The following ARHGEF4 variants were observed in gnomAD, a reference collection of about 807,000 sequenced individuals.
ARHGEF4 encodes Rho guanine nucleotide exchange factor 4.
A neutral mutation model predicts 162.0 loss-of-function variants in ARHGEF4; 119 were observed. That is an observed-to-expected ratio of 0.73 (90% CI 0.63 to 0.86). The LOEUF (loss-of-function observed/expected upper bound fraction) is 0.86. Ranked by LOEUF, ARHGEF4 falls within the 40% of genes least tolerant of loss-of-function variation. The pLI is 0.00. For missense variants in ARHGEF4, 2,488 were observed against 2,456.0 expected, an observed-to-expected ratio of 1.01 and a Z score of -0.28; for synonymous variants, 1,014 against 979.9, an observed-to-expected ratio of 1.03 and a Z score of -0.65.
chr2:130,960,952 G>T (rs1684590661), intron 4 of ARHGEF4, among the ~76,000 whole-genome samples: 1 of 152,154 alleles, frequency 6.6e-6, no homozygotes, highest in South Asian at 2.1e-4. Context: ...AAGGGAAATG[G>T]ACTCAGTAAA....
chr2:130,954,879 C>T (rs116372769), intron 4 of ARHGEF4, among the ~76,000 whole-genome samples: 2,309 of 152,156 alleles, frequency 0.015, 31 homozygotes, highest in South Asian at 0.026. Context: ...TTCCCCTTCC[C>T]CTTTTTCTCT....
chr2:130,851,855 T>C (rs1681438404), intron 1 of ARHGEF4, among the ~76,000 whole-genome samples: 1 of 152,224 alleles, frequency 6.6e-6, no homozygotes, highest in Non-Finnish European at 1.5e-5. Flanking sequence ...CGTGAGTGAA[T>C]GTTTGTAGAA....
intron 2 of ARHGEF4, among the ~76,000 whole-genome samples, chr2:130,926,014 C>CTCTTTCTTCCTT (rs1553514613): frequency 3.1e-5 from 3 of 97,206 alleles, no homozygotes; most frequent in African/African-American, 1.5e-4. Flanking sequence ...TTGGTTTTCT[C>CTCTTTCTTCCTT]TCTTTCTTTC....
chr2:130,936,127 G>A (rs964574806), intron 3 of ARHGEF4, among the ~76,000 whole-genome samples: 1 of 152,192 alleles, frequency 6.6e-6, no homozygotes, highest in African/African-American at 2.4e-5. Flanking sequence ...TCTGGAGAAT[G>A]TTCCATGTGT....
In ARHGEF4 at chr2:130,915,629, A is replaced by G. The variant is rs1681434736; in HGVS notation, c.1683A>G (p.Ala561=). 6.5e-7 allele frequency: 1 copy of G among 1,550,376 alleles called. No homozygotes were observed. Among genetic ancestry groups the G allele is most frequent in the African/African-American group, 1.4e-5 (1 of 73,018 alleles). The part of the protein sequence containing the change: ...DAPETTQKSS[A]IDTSKAAEEA... Reference sequence around the variant, plus strand: ...CTGAGACCACCCAGAAATCAAGCGCAATAGACACTTCAAAGGCAGCCGAAG... The same window carrying G: ...CTGAGACCACCCAGAAATCAAGCGCGATAGACACTTCAAAGGCAGCCGAAG... Residue 561 remains alanine (A), a synonymous_variant, in exon 2 of 14, where the codon GCA becomes GCG. Coordinates refer to ENST00000409359, the MANE Select transcript of ARHGEF4 (RefSeq NM_001367493.1).
chr2:131,035,744 C>T (rs1690227580), intron 5 of ARHGEF4: 4 of 984,962 alleles, frequency 4.1e-6, no homozygotes, highest in African/African-American at 1.7e-5. Context: ...CGGGCAGAGC[C>T]CCTCTGCCCC....
At chr2:130,944,251 A>C (rs1156619528) in intron 3 of ARHGEF4, among the ~76,000 whole-genome samples, 3 of 151,906 alleles carry the variant, frequency 2.0e-5, no homozygotes, top group Non-Finnish European at 4.4e-5. Context: ...CTAGGCATTG[A>C]TTTCCTTGGA....
intron 4 of ARHGEF4, among the ~76,000 whole-genome samples, chr2:130,971,986 A>G (rs1685404001): frequency 6.6e-6 from 1 of 152,234 alleles, no homozygotes; most frequent in Non-Finnish European, 1.5e-5. Flanking sequence ...GTACTAGGCC[A>G]GTTTTTCCAA....
intron 4 of ARHGEF4, among the ~76,000 whole-genome samples, chr2:130,975,910 G>A (rs66525751): frequency 0.09 from 13,675 of 152,210 alleles, 665 homozygotes; most frequent in Non-Finnish European, 0.11. Context: ...AAGGACGGGC[G>A]CTCAGGAGGG....
chr2:130,914,627 C>G lies in ARHGEF4; in HGVS notation c.681C>G (p.Val227=), dbSNP rs1042583085. 2.2e-6 allele frequency: 3 copies of G among 1,393,022 alleles called. No homozygotes were observed. The highest frequency in any genetic ancestry group is 2.9e-5 in the African/African-American group (2 of 69,086). The allele number at this position is 1,393,022 out of a possible 1,614,324, so 86.3% of individuals were successfully genotyped here. ...RSESYLGIPV[V]WPFLLWCCEL... is the part of the protein sequence containing the mutation. ...AGAGCTATCTGGGCATCCCAGTGGT[C>G]TGGCCCTTCCTTCTCTGGTGCTGTG... Residue 227 remains valine (V), a synonymous_variant, in exon 2 of 14, where the codon GTC becomes GTG. Transcript: ENST00000409359.
At chr2:131,019,624 T>C (rs1368213808) in intron 4 of ARHGEF4, among the ~76,000 whole-genome samples, 1 of 126,668 alleles carries the variant, frequency 7.9e-6, no homozygotes, top group Non-Finnish European at 1.7e-5. Flanking sequence ...TTTTATTCTT[T>C]GGTTTTTGTT....
At chr2:130,896,350 A>G (rs1680157113) in intron 1 of ARHGEF4, among the ~76,000 whole-genome samples, 1 of 152,178 alleles carries the variant, frequency 6.6e-6, no homozygotes, top group Non-Finnish European at 1.5e-5. Flanking sequence ...GTAGACAGGG[A>G]GAGCCTCCTA....
intron 9 of ARHGEF4, 66 bp downstream of exon 9, chr2:131,041,528 C>T (rs1690810067): frequency 6.7e-7 from 1 of 1,499,842 alleles, no homozygotes; most frequent in Admixed American, 1.8e-5. Flanking sequence ...CCAGTTTGAG[C>T]ATTAGCAGTG....
At chr2:130,994,553 A>T (rs1687256462) in intron 4 of ARHGEF4, among the ~76,000 whole-genome samples, 1 of 152,020 alleles carries the variant, frequency 6.6e-6, no homozygotes, top group Non-Finnish European at 1.5e-5. Context: ...TTCACCATAT[A>T]TTTTTTGGTC....
chr2:130,866,481 G>A (rs1390321235), intron 1 of ARHGEF4, among the ~76,000 whole-genome samples: 1 of 152,172 alleles, frequency 6.6e-6, no homozygotes, highest in African/African-American at 2.4e-5. Flanking sequence ...GTGGCAAAGG[G>A]ACTTCTCACT....
chr2:131,010,488 T>C (rs1326494944), intron 4 of ARHGEF4, among the ~76,000 whole-genome samples: 2 of 152,188 alleles, frequency 1.3e-5, no homozygotes, highest in African/African-American at 4.8e-5. Context: ...AATATTTTAT[T>C]CATTGAGTGA....
Position 130,992,500 on chromosome 2 carries a change from G to C in ARHGEF4, c.3986-35445G>C, listed in dbSNP as rs1008360011. Among the ~76,000 whole-genome samples, 2 of 151,990 alleles carry C rather than the reference G, an allele frequency of 1.3e-5. 1 individual carries two copies. Among genetic ancestry groups the C allele is most frequent in the South Asian group, 4.2e-4 (2 of 4,808 alleles). ...CCTTAAGAGCTGTAACACTCACGGG[G>C]AAGGTCTGCAGCTTCACTCCTGAGC... On this transcript the variant is annotated intron_variant, in intron 4 of 13. Transcript: ENST00000409359.
At chr2:130,905,602 A>C (rs893572221) in intron 1 of ARHGEF4, among the ~76,000 whole-genome samples, 5 of 151,352 alleles carry the variant, frequency 3.3e-5, no homozygotes, top group Admixed American at 3.3e-4. Flanking sequence ...CCCCCAACTT[A>C]TCCACCATTT....
intron 4 of ARHGEF4, among the ~76,000 whole-genome samples, chr2:131,022,415 T>G (rs1325273570): frequency 6.6e-6 from 1 of 152,146 alleles, no homozygotes; most frequent in Admixed American, 6.6e-5. Context: ...ATTTTCCATT[T>G]CATCTAGTTT....
Sources: gnomAD v4.1 joint callset for allele counts (sites outside exome capture counted in the v4.1 genomes callset) on GRCh38, gnomAD v4.1.1 for gene constraint, MANE v1.5 for transcripts, NCBI Gene and HGNC (gene_info 2026-07-23, HGNC 2026-07-21) for gene names.